RBM47: variants seen among roughly 807,000 people sequenced by gnomAD.
RBM47 encodes the protein RNA-binding protein 47.
RBM47 carries 21 observed loss-of-function variants against 47.1 expected under a neutral mutation model. That is an observed-to-expected ratio of 0.45 (90% CI 0.32 to 0.64). The LOEUF (loss-of-function observed/expected upper bound fraction) is 0.64, where lower values mean the gene tolerates loss of function less well. RBM47 is among the 30% of genes least tolerant of loss of function. The probability of loss-of-function intolerance (pLI) is 0.05; values close to 1 mark genes in which losing one functional copy is unlikely to be tolerated. For missense variants in RBM47, 708 were observed against 870.9 expected, an observed-to-expected ratio of 0.81 and a Z score of 2.35; for synonymous variants, 375 against 361.7, an observed-to-expected ratio of 1.04 and a Z score of -0.42.
At chr4:40,550,007 CA>C (rs1370808963) in intron 1 of RBM47, among the ~76,000 whole-genome samples, 1 of 152,108 alleles carries the variant, frequency 6.6e-6, no homozygotes, top group Admixed American at 6.6e-5. Flanking sequence ...TATTAAAGAA[CA>C]AATGGGAAAT....
At chr4:40,480,378 C>A (rs1339380990) in intron 2 of RBM47, among the ~76,000 whole-genome samples, 1 of 152,150 alleles carries the variant, frequency 6.6e-6, no homozygotes, top group Non-Finnish European at 1.5e-5. Context: ...CCCAGGCATT[C>A]TGGCTCTTAG....
rs78549358 is a variant in RBM47 at position 40,598,735 on chromosome 4, A to C, written c.-240+30661T>G. On this transcript the variant is annotated intron_variant, in intron 1 of 6. Transcript: ENST00000295971. ...GTACAAATTAAGCTATTTTTAAAAA[A>C]TCCTTTGATTTAGGGTTTCTACATT... 0.012 allele frequency among the ~76,000 whole-genome samples: 1,874 copies of C among 152,212 alleles called. 83 individuals carry two copies. In the East Asian group the frequency reaches 0.14, roughly 11 times the overall value.
rs68002544 is a variant in RBM47 at position 40,436,171 on chromosome 4, CAAAAAAAAA to C, written c.1330+261_1330+269del. On this transcript the variant is annotated intron_variant, in intron 5 of 6. Transcript: ENST00000295971. ...TGGGCGACAGAGCGAGACTCTGTCT[CAAAAAAAAA>C]AAAAAACAAACAAACAAACAAACAA... 8.7e-4 allele frequency among the ~76,000 whole-genome samples: 113 copies of C among 130,240 alleles called. 1 individual carries two copies. Among genetic ancestry groups the C allele is most frequent in the African/African-American group, 2.9e-3 (98 of 33,944 alleles). 85.4% of individuals were successfully genotyped at this position (130,240 alleles called of 152,430 possible).
intron 1 of RBM47, among the ~76,000 whole-genome samples, chr4:40,611,127 C>T (rs898523616): frequency 2.6e-5 from 4 of 152,168 alleles, no homozygotes; most frequent in African/African-American, 9.7e-5. Context: ...CTACCGATTC[C>T]TATCATAGCA....
intron 1 of RBM47, among the ~76,000 whole-genome samples, chr4:40,560,503 G>A (rs1730504533): frequency 6.6e-6 from 1 of 152,168 alleles, no homozygotes; most frequent in African/African-American, 2.4e-5. Flanking sequence ...AGGACACCTC[G>A]GCTCTCCCTG....
intron 1 of RBM47, among the ~76,000 whole-genome samples, chr4:40,567,416 A>G (rs1228375734): frequency 6.6e-6 from 1 of 152,104 alleles, no homozygotes; most frequent in Non-Finnish European, 1.5e-5. Flanking sequence ...TTCTATAATT[A>G]TGACCATTTT....
chr4:40,450,345 G>A (rs2173990), intron 3 of RBM47, among the ~76,000 whole-genome samples: 24,285 of 152,088 alleles, frequency 0.16, 2,056 homozygotes, highest in Admixed American at 0.21. Context: ...TATAATTCCA[G>A]CACTTTGGGA....
intron 2 of RBM47, among the ~76,000 whole-genome samples, chr4:40,506,735 T>A (rs1418479646): frequency 2.0e-5 from 3 of 152,220 alleles, no homozygotes; most frequent in African/African-American, 7.2e-5. Flanking sequence ...ACCAGTTGAT[T>A]CTACTTCTTA....
chr4:40,442,770 C>T (rs1713855082), intron 3 of RBM47, among the ~76,000 whole-genome samples: 1 of 152,114 alleles, frequency 6.6e-6, no homozygotes, highest in South Asian at 2.1e-4. Flanking sequence ...CTCCACCTCT[C>T]AGGTTCAAAC....
intron 1 of RBM47, among the ~76,000 whole-genome samples, chr4:40,616,493 C>T (rs1239976480): frequency 6.6e-6 from 1 of 151,676 alleles, no homozygotes; most frequent in Non-Finnish European, 1.5e-5. Flanking sequence ...TGTAGTGTGG[C>T]GCTAAAAACA....
In RBM47 at chr4:40,502,666, GA is replaced by G. The variant is rs572416359; in HGVS notation, c.-154-35968del. On this transcript the variant is annotated intron_variant, in intron 2 of 6. Coordinates refer to ENST00000295971, the MANE Select transcript of RBM47 (RefSeq NM_001098634.2). The stretch of plus-strand genomic sequence containing the variant: ...TCAAGACCAGCCTGGGCAACATGGG[GA>G]AACGCCATCTTTACAAAAAAATTTA... 7.9e-5 allele frequency among the ~76,000 whole-genome samples: 12 copies of G among 152,140 alleles called. 1 individual carries two copies. The South Asian group carries it at 2.3e-3, about 29-fold the overall frequency.
intron 1 of RBM47, among the ~76,000 whole-genome samples, chr4:40,592,940 T>C (rs1447807671): frequency 7.7e-4 from 4 of 5,178 alleles, no homozygotes; most frequent in African/African-American, 2.5e-3. Context: ...TTGGGACATA[T>C]ATATATATAT....
At chr4:40,494,836 A>C (rs1027198325) in intron 2 of RBM47, among the ~76,000 whole-genome samples, 1 of 152,184 alleles carries the variant, frequency 6.6e-6, no homozygotes, top group Non-Finnish European at 1.5e-5. Flanking sequence ...CAACACAGAA[A>C]ACATATAGAG....
chr4:40,511,673 G>T (rs547619961), intron 2 of RBM47, among the ~76,000 whole-genome samples: 1 of 152,130 alleles, frequency 6.6e-6, no homozygotes, highest in African/African-American at 2.4e-5. Context: ...ATACTAAATC[G>T]GGCTGGGCAC....
intron 2 of RBM47, among the ~76,000 whole-genome samples, chr4:40,476,111 A>C (rs1719572766): frequency 6.6e-6 from 1 of 152,212 alleles, no homozygotes; most frequent in Non-Finnish European, 1.5e-5. Flanking sequence ...AACCAGATAG[A>C]TGCCCATTAC....
At chr4:40,450,969 G>C (rs945859976) in intron 3 of RBM47, among the ~76,000 whole-genome samples, 1 of 152,114 alleles carries the variant, frequency 6.6e-6, no homozygotes, top group Non-Finnish European at 1.5e-5. Flanking sequence ...ACACATGGTA[G>C]GTACTTTTTA....
chr4:40,439,191 G>C (rs1324113395), intron 3 of RBM47, among the ~76,000 whole-genome samples: 1 of 151,758 alleles, frequency 6.6e-6, no homozygotes, highest in African/African-American at 2.4e-5. Flanking sequence ...TCAGTACCCC[G>C]ACAGCTTTGA....
Position 40,454,191 on chromosome 4 carries a change from A to G in RBM47, c.-32+12386T>C, listed in dbSNP as rs374053934. On this transcript the variant is annotated intron_variant, in intron 3 of 6. Coordinates refer to ENST00000295971, the MANE Select transcript of RBM47 (RefSeq NM_001098634.2). Reference sequence around the variant, plus strand: ...ACGGCCTATGAAATCTAAAGTGTTTACTGTCTGGACCTTTACTGCAAACAT... The same window carrying G: ...ACGGCCTATGAAATCTAAAGTGTTTGCTGTCTGGACCTTTACTGCAAACAT... 7.9e-5 allele frequency among the ~76,000 whole-genome samples: 12 copies of G among 152,334 alleles called. No individual in the cohort carries two copies. In the East Asian group the frequency reaches 2.3e-3, roughly 29 times the overall value.
At chr4:40,602,367 C>T (rs1326582555) in intron 1 of RBM47, among the ~76,000 whole-genome samples, 1 of 151,298 alleles carries the variant, frequency 6.6e-6, no homozygotes, top group East Asian at 2.0e-4. Flanking sequence ...CGTAGAATAT[C>T]GGCCGGGCGC....
Sources: gnomAD v4.1 joint callset for allele counts (sites outside exome capture counted in the v4.1 genomes callset) on GRCh38, gnomAD v4.1.1 for gene constraint, MANE v1.5 for transcripts, NCBI Gene and HGNC (gene_info 2026-07-23, HGNC 2026-07-21) for gene names.